The following PTPRT variants were observed in gnomAD, a reference collection of about 807,000 sequenced individuals.
PTPRT encodes the protein protein tyrosine phosphatase receptor type T.
A neutral mutation model predicts 176.8 loss-of-function variants in PTPRT; 56 were observed. The observed-to-expected ratio is 0.32, with a 90% CI of 0.26 to 0.40. PTPRT has a LOEUF of 0.40. PTPRT is among the 10% of genes least tolerant of loss of function. The pLI is 1.00. For missense variants in PTPRT, 1,540 were observed against 1,908.2 expected (o/e 0.81, Z 3.60); for synonymous variants, 783 against 739.0 (o/e 1.06, Z -0.96).
At chr20:42,896,800 A>T (rs1036375895) in intron 1 of PTPRT, among the ~76,000 whole-genome samples, 2 of 152,042 alleles carry the variant, frequency 1.3e-5, no homozygotes, top group Admixed American at 6.6e-5. Flanking sequence ...TCAACCCCCA[A>T]ATCATGGAGA....
chr20:42,278,266 T>C (rs1206766917), intron 13 of PTPRT, among the ~76,000 whole-genome samples: 1 of 141,058 alleles, frequency 7.1e-6, no homozygotes, highest in African/African-American at 2.9e-5. Context: ...ATCTTAAAGA[T>C]ACTTCTCTGT....
chr20:42,723,282 A>G (rs928735792), intron 6 of PTPRT, among the ~76,000 whole-genome samples: 2 of 152,134 alleles, frequency 1.3e-5, no homozygotes, highest in African/African-American at 4.8e-5. Flanking sequence ...TTAAAGAAAA[A>G]GGGGCCACAC....
At chr20:42,389,926 C>T (rs970986336) in intron 9 of PTPRT, among the ~76,000 whole-genome samples, 2 of 151,748 alleles carry the variant, frequency 1.3e-5, no homozygotes, top group African/African-American at 2.4e-5. Context: ...CTCTCTCTTC[C>T]TTTGCCCTTC....
chr20:42,644,953 GA>G (rs1319806974), intron 7 of PTPRT, among the ~76,000 whole-genome samples: 1 of 152,158 alleles, frequency 6.6e-6, no homozygotes, highest in African/African-American at 2.4e-5. Context: ...GAGACCTAGA[GA>G]AGTTCAGAAC....
chr20:43,168,767 T>A (rs897967559), intron 1 of PTPRT, among the ~76,000 whole-genome samples: 2 of 152,168 alleles, frequency 1.3e-5, no homozygotes, highest in African/African-American at 4.8e-5. Context: ...TGCCCCTTTT[T>A]ATGTATTTCC....
chr20:43,058,619 C>CAT (rs1987334789), intron 1 of PTPRT, among the ~76,000 whole-genome samples: 2 of 152,094 alleles, frequency 1.3e-5, no homozygotes, highest in African/African-American at 2.4e-5. Context: ...AAGCAATAAA[C>CAT]GCTTCATGCA....
At chr20:42,419,120 A>G (rs1425468150) in intron 9 of PTPRT, among the ~76,000 whole-genome samples, 1 of 152,332 alleles carries the variant, frequency 6.6e-6, no homozygotes, top group Non-Finnish European at 1.5e-5. Context: ...AACAGCTACA[A>G]TGAGCCTGGT....
intron 8 of PTPRT, among the ~76,000 whole-genome samples, chr20:42,465,360 C>T (rs1202628377): frequency 6.6e-6 from 1 of 152,140 alleles, no homozygotes; most frequent in Non-Finnish European, 1.5e-5. Flanking sequence ...ATGCACAATG[C>T]TATTTGCTAC....
chr20:43,003,823 C>G (rs1182413870), intron 1 of PTPRT, among the ~76,000 whole-genome samples: 1 of 152,096 alleles, frequency 6.6e-6, no homozygotes, highest in Non-Finnish European at 1.5e-5. Context: ...AAGAGGAAAG[C>G]TTCCATTCTT....
At chr20:42,225,779 A>G (rs2055994306) in intron 15 of PTPRT, among the ~76,000 whole-genome samples, 1 of 151,998 alleles carries the variant, frequency 6.6e-6, no homozygotes, top group Non-Finnish European at 1.5e-5. Flanking sequence ...CGGCCTCCTG[A>G]GTATCTGGGA....
chr20:42,247,106 T>C (rs1220113397), intron 14 of PTPRT, among the ~76,000 whole-genome samples: 1 of 152,224 alleles, frequency 6.6e-6, no homozygotes, highest in East Asian at 1.9e-4. Context: ...CATAATACCT[T>C]CTGTTACCCC....
At chr20:42,710,786 T>C (rs1003244429) in intron 6 of PTPRT, among the ~76,000 whole-genome samples, 1 of 152,234 alleles carries the variant, frequency 6.6e-6, no homozygotes, top group African/African-American at 2.4e-5. Flanking sequence ...CAGCTTGTAC[T>C]CTGAGCCTGA....
rs184750173 is a variant in PTPRT, at chr20:42,424,902, T to C, written c.1560+23318A>G. ...AAGAGAGTTGCCTCTCTCTGACGTA[T>C]GCGTGGAAAAAGATGGATTTAAGCA... On this transcript the variant is annotated intron_variant, in intron 9 of 30. Coordinates refer to ENST00000373187, the MANE Select transcript of PTPRT (RefSeq NM_007050.6). Among the ~76,000 whole-genome samples, 36 of 150,968 alleles carry C rather than the reference T, an allele frequency of 2.4e-4. 1 individual carries two copies. Among genetic ancestry groups the C allele is most frequent in the Middle Eastern group, 3.4e-3 (1 of 294 alleles).
chr20:42,158,273 G>A (rs138282885), intron 17 of PTPRT, among the ~76,000 whole-genome samples: 1 of 152,030 alleles, frequency 6.6e-6, no homozygotes, highest in Non-Finnish European at 1.5e-5. Flanking sequence ...GCTTCAGAAG[G>A]GCAAGAATCT....
At chr20:42,534,255 C>G (rs1275424793) in intron 7 of PTPRT, among the ~76,000 whole-genome samples, 4 of 152,200 alleles carry the variant, frequency 2.6e-5, no homozygotes, top group Non-Finnish European at 5.9e-5. Context: ...AGTGAGAACG[C>G]TTTTGAATCC....
intron 2 of PTPRT, among the ~76,000 whole-genome samples, chr20:42,844,484 C>T (rs1013946184): frequency 3.3e-5 from 5 of 152,076 alleles, no homozygotes; most frequent in Admixed American, 3.3e-4. Flanking sequence ...GTTTCCAGGA[C>T]CAGGATTTCA....
At chr20:42,635,603 G>A (rs1404842178) in intron 7 of PTPRT, among the ~76,000 whole-genome samples, 1 of 152,070 alleles carries the variant, frequency 6.6e-6, no homozygotes, top group Admixed American at 6.6e-5. Context: ...ACAGATATGT[G>A]TAGTAATATG....
chr20:42,106,734 C>A (rs1367972805), intron 24 of PTPRT, 52 bp downstream of exon 24: 1 of 1,582,574 alleles, frequency 6.3e-7, no homozygotes, highest in African/African-American at 1.3e-5. Context: ...CATCATGTTT[C>A]TCCTTGGTCA....
intron 15 of PTPRT, among the ~76,000 whole-genome samples, chr20:42,222,738 G>C (rs2055914267): frequency 6.6e-6 from 1 of 152,180 alleles, no homozygotes; most frequent in Non-Finnish European, 1.5e-5. Flanking sequence ...CTCTTCATCA[G>C]TATTATTTGT....
Sources: gnomAD v4.1 joint callset for allele counts (sites outside exome capture counted in the v4.1 genomes callset) on GRCh38, gnomAD v4.1.1 for gene constraint, MANE v1.5 for transcripts, NCBI Gene and HGNC (gene_info 2026-07-23, HGNC 2026-07-21) for gene names.